The following PLCG2 variants were observed in gnomAD, a reference collection of about 807,000 sequenced individuals.
PLCG2 encodes the protein 1-phosphatidylinositol 4,5-bisphosphate phosphodiesterase gamma-2.
In PLCG2, 69 loss-of-function variants were observed where a neutral mutation model predicts 175.6. The observed-to-expected ratio is 0.39, with a 90% confidence interval of 0.32 to 0.48. PLCG2 has a LOEUF of 0.48. Among genes scored for constraint, PLCG2 ranks in the 20% least tolerant of loss-of-function variants. The pLI is 0.91. For missense variants in PLCG2, 1,798 were observed against 1,650.9 expected, an observed-to-expected ratio of 1.09 and a Z score of -1.54; for synonymous variants, 827 against 624.0, an observed-to-expected ratio of 1.33 and a Z score of -4.85.
chr16:81,855,192 CAAA>C (rs35058756), intron 3 of PLCG2, among the ~76,000 whole-genome samples: 11 of 102,930 alleles, frequency 1.1e-4, no homozygotes, highest in African/African-American at 7.8e-5. Flanking sequence ...GACTCTGTCT[CAAA>C]AAAAAAAAAA....
At chr16:81,927,446 A>T (rs989102117) in intron 23 of PLCG2, among the ~76,000 whole-genome samples, 1 of 152,236 alleles carries the variant, frequency 6.6e-6, no homozygotes, top group African/African-American at 2.4e-5. Context: ...CTGGAGTGAA[A>T]GTGACCAAAT....
At position 81,856,535 on chromosome 16, in the gene PLCG2, A is replaced by G. The variant is rs114140686; in HGVS notation, c.338-1728A>G. 1.0e-2 allele frequency among the ~76,000 whole-genome samples: 1,516 copies of G among 152,308 alleles called. 34 individuals are homozygous for G. The highest frequency in any genetic ancestry group is 0.035 in the African/African-American group (1,439 of 41,546). On this transcript the variant is annotated intron_variant, in intron 3 of 32. Coordinates refer to ENST00000564138, the MANE Select transcript of PLCG2 (RefSeq NM_002661.5). ...GCTCTACTTGCTGTCCCTCTGTGCCATCTTGATTAGAAGCAGGGGAGATAC... is the reference window on the plus strand; with the variant it reads ...GCTCTACTTGCTGTCCCTCTGTGCCGTCTTGATTAGAAGCAGGGGAGATAC...
At chr16:81,926,255 T>C (rs1910270201) in intron 22 of PLCG2, among the ~76,000 whole-genome samples, 1 of 152,180 alleles carries the variant, frequency 6.6e-6, no homozygotes, top group Non-Finnish European at 1.5e-5. Context: ...GCTGCCATGT[T>C]GAAGAGTCTG....
intron 22 of PLCG2, among the ~76,000 whole-genome samples, chr16:81,926,760 C>T (rs12446596): frequency 0.67 from 101,442 of 152,060 alleles, 34,625 homozygotes; most frequent in East Asian, 0.81. Flanking sequence ...ACAACCTCCC[C>T]GAAATAGGGG....
At chr16:81,770,332 T>A (rs903104928) in intron 2 of PLCG2, among the ~76,000 whole-genome samples, 4 of 152,184 alleles carry the variant, frequency 2.6e-5, no homozygotes, top group Admixed American at 6.5e-5. Flanking sequence ...CTATAACAAC[T>A]AAGACATGCA....
At chr16:81,872,427 T>C (rs142544454) in intron 7 of PLCG2, among the ~76,000 whole-genome samples, 2 of 152,294 alleles carry the variant, frequency 1.3e-5, no homozygotes, top group East Asian at 3.9e-4. Context: ...TTAATGTTGA[T>C]TTTGTGTGTG....
chr16:81,873,397 G>C (rs984852241), intron 7 of PLCG2, among the ~76,000 whole-genome samples: 3 of 152,200 alleles, frequency 2.0e-5, no homozygotes, highest in African/African-American at 7.2e-5. Flanking sequence ...AATAGTCCTT[G>C]AGAACAATGA....
intron 9 of PLCG2, among the ~76,000 whole-genome samples, chr16:81,884,922 C>G (rs1008595743): frequency 2.6e-5 from 4 of 152,098 alleles, no homozygotes; most frequent in Non-Finnish European, 5.9e-5. Flanking sequence ...CTCACTCACC[C>G]CCTTGCCCAG....
At chr16:81,853,267 G>A (rs923300983) in intron 2 of PLCG2, among the ~76,000 whole-genome samples, 4 of 151,780 alleles carry the variant, frequency 2.6e-5, no homozygotes, top group Admixed American at 6.6e-5. Context: ...GGAGGCAGAC[G>A]TTGCAGTGAG....
chr16:81,961,739 C>T lies in PLCG2; in HGVS notation c.*3741C>T. 3 of 205,798 alleles carry T rather than the reference C, an allele frequency of 1.5e-5. No individual in the cohort carries two copies. The East Asian group carries it at 2.2e-4, about 15-fold the overall frequency. 12.7% of individuals were successfully genotyped at this position (205,798 alleles called of 1,614,324 possible). On this transcript the variant is annotated 3_prime_UTR_variant, in exon 33 of 33. Transcript: ENST00000564138. ...CTATCAAATAACTTATATTAAGAAC[C>T]TCCTGGGCTAAATTTAAAAAGTAAT...
intron 2 of PLCG2, among the ~76,000 whole-genome samples, chr16:81,759,781 C>T (rs1027118475): frequency 3.9e-5 from 6 of 152,198 alleles, no homozygotes; most frequent in Admixed American, 3.9e-4. Context: ...AGCACTTGTC[C>T]GTAGCTCCTT....
At chr16:81,749,256 C>A (rs1384667505) in intron 1 of PLCG2, among the ~76,000 whole-genome samples, 1 of 151,974 alleles carries the variant, frequency 6.6e-6, no homozygotes, top group African/African-American at 2.4e-5. Flanking sequence ...CTCTATAATC[C>A]CTGAAGATGT....
intron 9 of PLCG2, among the ~76,000 whole-genome samples, chr16:81,884,328 G>A (rs1219755035): frequency 2.0e-5 from 3 of 151,834 alleles, no homozygotes; most frequent in Non-Finnish European, 4.4e-5. Context: ...TGCAGCCTGG[G>A]CAACAGAGCA....
chr16:81,905,397 C>A lies in PLCG2; in HGVS notation c.1363-6C>A. 7 of 1,608,520 alleles carry A rather than the reference C, an allele frequency of 4.4e-6. No homozygotes were observed. Among genetic ancestry groups the A allele is most frequent in the East Asian group, 2.2e-5 (1 of 44,832 alleles). Reference sequence around the variant, plus strand: ...GAGACAGCCTATGTATATGTTTTCCCCTCAGCATAAGAAGCTGGGCCCCCG... The same window carrying A: ...GAGACAGCCTATGTATATGTTTTCCACTCAGCATAAGAAGCTGGGCCCCCG... On this transcript the variant is annotated splice_region_variant and splice_polypyrimidine_tract_variant and intron_variant, in intron 14 of 32. Coordinates refer to ENST00000564138, the MANE Select transcript of PLCG2 (RefSeq NM_002661.5).
Position 81,860,525 on chromosome 16 carries a change from T to G in PLCG2, c.479+1362T>G, listed in dbSNP as rs542525403. 1.2e-4 allele frequency among the ~76,000 whole-genome samples: 19 copies of G among 152,288 alleles called. No individual in the cohort carries two copies. The South Asian group carries it at 3.9e-3, about 32-fold the overall frequency. ...CAAGAGGGCACCCTTTCCTGATGAT[T>G]TATTGTGCCATTAGACTTTGATCTT... is the stretch of plus-strand genomic sequence containing the variant. On this transcript the variant is annotated intron_variant, in intron 5 of 32. Transcript: ENST00000564138.
chr16:81,907,414 A>T (rs1162678984), intron 15 of PLCG2, among the ~76,000 whole-genome samples: 1 of 152,200 alleles, frequency 6.6e-6, no homozygotes, highest in Non-Finnish European at 1.5e-5. Flanking sequence ...ATAGAAAAGA[A>T]AATGATGAGG....
chr16:81,895,227 A>G (rs1315283437), intron 12 of PLCG2, among the ~76,000 whole-genome samples: 15 of 152,222 alleles, frequency 9.9e-5, no homozygotes, highest in Admixed American at 5.9e-4. Flanking sequence ...TTCAACAGGT[A>G]AAGTCAGAAA....
At position 81,938,906 on chromosome 16, in the gene PLCG2, A is replaced by C. The variant is rs753411378; in HGVS notation, c.3304A>C (p.Thr1102Pro). 1.9e-6 allele frequency: 3 copies of C among 1,602,348 alleles called. No individual in the cohort carries two copies. The highest frequency in any genetic ancestry group is 2.6e-6 in the Non-Finnish European group (3 of 1,169,992). The change falls in exon 29 of 33, where the codon ACG becomes CCG. Residue 1102 changes from threonine to proline, a missense_variant. Coordinates refer to ENST00000564138, the MANE Select transcript of PLCG2 (RefSeq NM_002661.5). ...GTATGACAACAACAAGTTCAAGACG[A>C]CGGTTGTGAGTAAGTCAGTCACCTT... The part of the protein sequence containing the change: ...AEYDNNKFKT[T>P]VVNDNGLSPI...
intron 2 of PLCG2, among the ~76,000 whole-genome samples, chr16:81,795,913 G>C (rs1054091923): frequency 3.9e-5 from 6 of 152,220 alleles, no homozygotes; most frequent in South Asian, 4.1e-4. Flanking sequence ...CAAGTGCAAG[G>C]GATGCTGGGA....
Sources: gnomAD v4.1 joint callset for allele counts (sites outside exome capture counted in the v4.1 genomes callset) on GRCh38, gnomAD v4.1.1 for gene constraint, MANE v1.5 for transcripts, NCBI Gene and HGNC (gene_info 2026-07-23, HGNC 2026-07-21) for gene names.